TENM4: variants seen among roughly 807,000 people sequenced by gnomAD.
TENM4 encodes the protein teneurin transmembrane protein 4, also known as teneurin-4.
A neutral mutation model predicts 243.3 loss-of-function variants in TENM4; 82 were observed. That is an observed-to-expected ratio of 0.34 (90% confidence interval 0.28 to 0.40). The LOEUF (loss-of-function observed/expected upper bound fraction) is 0.40, where lower values mean the gene tolerates loss of function less well. TENM4 is among the 10% of genes least tolerant of loss of function. The pLI is 1.00. For synonymous variants in TENM4, 1,412 were observed against 1,456.3 expected, an observed-to-expected ratio of 0.97 and a Z score of 0.69; for missense variants, 3,138 against 3,673.3, an observed-to-expected ratio of 0.85 and a Z score of 3.77.
At chr11:78,866,593 G>A (rs1282550503) in intron 9 of TENM4, among the ~76,000 whole-genome samples, 7 of 152,018 alleles carry the variant, frequency 4.6e-5, no homozygotes, top group African/African-American at 1.7e-4. Context: ...CCACAGTTAT[G>A]AGGGTGGGGG....
At chr11:79,371,728 C>A (rs1857790596) in intron 1 of TENM4, among the ~76,000 whole-genome samples, 1 of 152,170 alleles carries the variant, frequency 6.6e-6, no homozygotes, top group Non-Finnish European at 1.5e-5. Flanking sequence ...GAAATAAGAT[C>A]TGTTGTTAAT....
intron 1 of TENM4, among the ~76,000 whole-genome samples, chr11:79,339,214 T>C (rs934363877): frequency 1.3e-5 from 2 of 152,148 alleles, no homozygotes; most frequent in African/African-American, 4.8e-5. Context: ...ACAGAATCAA[T>C]AGGCAGATGA....
intron 12 of TENM4, among the ~76,000 whole-genome samples, chr11:78,837,910 A>G (rs564439750): frequency 1.3e-5 from 2 of 152,270 alleles, no homozygotes; most frequent in East Asian, 3.9e-4. Flanking sequence ...CAATGCTGTG[A>G]TAAGTGTGCA....
intron 2 of TENM4, among the ~76,000 whole-genome samples, chr11:79,228,869 GA>G (rs1180690898): frequency 6.6e-6 from 1 of 152,040 alleles, no homozygotes; most frequent in Non-Finnish European, 1.5e-5. Flanking sequence ...AACCAATATT[GA>G]AACATTATTA....
intron 6 of TENM4, among the ~76,000 whole-genome samples, chr11:78,978,823 T>C (rs1205541570): frequency 6.6e-6 from 1 of 152,178 alleles, no homozygotes; most frequent in East Asian, 1.9e-4. Context: ...TGCCCTACTC[T>C]GGAGAGCAGA....
chr11:78,881,544 T>C (rs1855433403), intron 9 of TENM4, among the ~76,000 whole-genome samples: 2 of 152,298 alleles, frequency 1.3e-5, no homozygotes, highest in South Asian at 4.1e-4. Context: ...TGCCCCTTCA[T>C]GGTATCCTAG....
rs569491853 is a variant in TENM4 at position 79,330,840 on chromosome 11, G to A, written c.-320-33297C>T. On this transcript the variant is annotated intron_variant, in intron 1 of 33. Transcript: ENST00000278550. Reference sequence around the variant, plus strand: ...CCCAGTGTCAGATGACATTCTCAGCGCCTGGGGCCACCGCAGACAAGGCCA... The same window carrying A: ...CCCAGTGTCAGATGACATTCTCAGCACCTGGGGCCACCGCAGACAAGGCCA... 1.1e-4 allele frequency among the ~76,000 whole-genome samples: 17 copies of A among 152,320 alleles called. No homozygotes were observed. The South Asian group carries it at 2.1e-3, about 19-fold the overall frequency.
chr11:78,670,191 T>A lies in TENM4; in HGVS notation c.6154A>T (p.Thr2052Ser). ...KTINLQNEGF[T>S]CTIRYRQIGP... ...ATCTGACGGTAGCGGATGGTGCAGG[T>A]GAAGCCCTCATTCTGTAGGTTGATG... Residue 2052 changes from threonine to serine, a missense_variant, in exon 32 of 34, where the codon ACC becomes TCC. By Grantham distance (58) the Thr-to-Ser change is moderately conservative. Transcript: ENST00000278550. 6.2e-7 allele frequency: 1 copy of A among 1,613,896 alleles called. No homozygotes were observed. The highest frequency in any genetic ancestry group is 8.5e-7 in the Non-Finnish European group (1 of 1,179,872).
intron 9 of TENM4, among the ~76,000 whole-genome samples, chr11:78,874,755 G>A (rs1398875028): frequency 6.6e-6 from 1 of 152,172 alleles, no homozygotes; most frequent in Non-Finnish European, 1.5e-5. Context: ...AGGGGTCTGA[G>A]GAATATACTC....
At chr11:79,315,166 A>G (rs1433652767) in intron 1 of TENM4, among the ~76,000 whole-genome samples, 1 of 152,146 alleles carries the variant, frequency 6.6e-6, no homozygotes, top group Non-Finnish European at 1.5e-5. Flanking sequence ...TAAGGCCCCA[A>G]ATAAAGGCAG....
intron 24 of TENM4, 129 bp downstream of exon 24, chr11:78,722,539 G>C: frequency 7.7e-7 from 1 of 1,305,898 alleles, no homozygotes; most frequent in Middle Eastern, 2.7e-4. Context: ...GAGGTGAAAA[G>C]TCTCAGAGCC....
intron 1 of TENM4, among the ~76,000 whole-genome samples, chr11:79,361,438 T>A (rs187237495): frequency 3.9e-4 from 60 of 152,326 alleles, no homozygotes; most frequent in African/African-American, 1.4e-3. Flanking sequence ...TGAATCCTCA[T>A]CCATCGAGCA....
chr11:79,206,045 G>A (rs758148634), intron 3 of TENM4, among the ~76,000 whole-genome samples: 8 of 152,232 alleles, frequency 5.3e-5, no homozygotes, highest in Non-Finnish European at 1.0e-4. Context: ...GCCTTATAGG[G>A]AGCAATGAAG....
intron 6 of TENM4, among the ~76,000 whole-genome samples, chr11:78,962,445 C>T (rs12289820): frequency 0.036 from 5,285 of 147,434 alleles, 324 homozygotes; most frequent in African/African-American, 0.13. Flanking sequence ...ATAAAACACT[C>T]ATCAACGGGA....
intron 3 of TENM4, among the ~76,000 whole-genome samples, chr11:79,152,196 T>TA (rs1260839933): frequency 6.6e-6 from 1 of 152,172 alleles, no homozygotes; most frequent in South Asian, 2.1e-4. Context: ...AATATTAATA[T>TA]GTTGGTGTGG....
chr11:79,312,071 T>C (rs185312626), intron 1 of TENM4, among the ~76,000 whole-genome samples: 1 of 152,238 alleles, frequency 6.6e-6, no homozygotes, highest in African/African-American at 2.4e-5. Context: ...CCTCCTAGCC[T>C]TCAAAACCCA....
chr11:78,672,339 G>A lies in TENM4; in HGVS notation c.5497-10C>T, dbSNP rs781225355. 2 of 1,602,262 alleles carry A rather than the reference G, an allele frequency of 1.2e-6. No homozygotes were observed. Among genetic ancestry groups the A allele is most frequent in the Non-Finnish European group, 1.7e-6 (2 of 1,171,168 alleles). The stretch of plus-strand genomic sequence containing the variant: ...GATTTCGGTTGTGAACCTGGAGAAA[G>A]GGTTGGAAGGAAAGAGAAAATTAAT... On this transcript the variant is annotated splice_polypyrimidine_tract_variant and intron_variant, in intron 30 of 33. Coordinates refer to ENST00000278550, the MANE Select transcript of TENM4 (RefSeq NM_001098816.3).
At chr11:79,391,315 A>G (rs1399857398) in intron 1 of TENM4, among the ~76,000 whole-genome samples, 1 of 152,138 alleles carries the variant, frequency 6.6e-6, no homozygotes. Context: ...CCTTGTGCCA[A>G]CAGTGAGCCT....
intron 1 of TENM4, among the ~76,000 whole-genome samples, chr11:79,344,546 C>T (rs1391605297): frequency 6.6e-6 from 1 of 152,216 alleles, no homozygotes; most frequent in Non-Finnish European, 1.5e-5. Flanking sequence ...TCTGCATGCA[C>T]CTGACCAGGT....
Sources: allele counts gnomAD v4.1 joint callset (sites outside exome capture counted in the v4.1 genomes callset), GRCh38; gene constraint gnomAD v4.1.1; transcripts MANE v1.5; gene names NCBI Gene and HGNC (gene_info 2026-07-23, HGNC 2026-07-21).